Variants in SAXO1 observed in about 807,000 individuals in gnomAD.
SAXO1 encodes the protein 4930500O09Rik.
A neutral mutation model predicts 17.5 loss-of-function variants in SAXO1; 21 were observed. That is an observed-to-expected ratio of 1.20 (90% CI 0.85 to 1.72). SAXO1 has a LOEUF of 1.72. SAXO1 is among the 40% of genes most tolerant of loss of function. The pLI, the probability that SAXO1 is intolerant of heterozygous loss-of-function variation, is 0.00. For synonymous variants in SAXO1, 274 were observed against 216.5 expected, an observed-to-expected ratio of 1.27 and a Z score of -2.33; for missense variants, 843 against 596.0, an observed-to-expected ratio of 1.41 and a Z score of -4.32.
At chr9:18,986,160 A>T (rs576546101) in intron 1 of SAXO1, among the ~76,000 whole-genome samples, 45 of 152,334 alleles carry the variant, frequency 3.0e-4, no homozygotes, top group Middle Eastern at 6.8e-3. Flanking sequence ...CACAGATTTT[A>T]AAAAAAGCAA....
intron 3 of SAXO1, among the ~76,000 whole-genome samples, chr9:18,932,249 A>C (rs1831085934): frequency 6.6e-6 from 1 of 152,146 alleles, no homozygotes; most frequent in African/African-American, 2.4e-5. Context: ...TTGCATGTGG[A>C]TATCCAACTG....
intron 1 of SAXO1, among the ~76,000 whole-genome samples, chr9:19,013,709 G>A (rs1437080170): frequency 6.6e-6 from 1 of 151,842 alleles, no homozygotes; most frequent in East Asian, 1.9e-4. Flanking sequence ...ACCATGCCTG[G>A]CTAATTTTTG....
intron 1 of SAXO1, among the ~76,000 whole-genome samples, chr9:19,022,936 T>G (rs1024029249): frequency 6.6e-6 from 1 of 152,182 alleles, no homozygotes; most frequent in South Asian, 2.1e-4. Context: ...TTTTGAAGAC[T>G]TGCAAAGTTC....
chr9:18,990,586 C>T (rs10963894), intron 1 of SAXO1, among the ~76,000 whole-genome samples: 78,687 of 151,974 alleles, frequency 0.52, 21,945 homozygotes, highest in Non-Finnish European at 0.63. Context: ...AGGTCCCCAA[C>T]CCCTGGGCCA....
chr9:19,022,721 C>T (rs1240924472), intron 1 of SAXO1, among the ~76,000 whole-genome samples: 1 of 152,116 alleles, frequency 6.6e-6, no homozygotes, highest in Non-Finnish European at 1.5e-5. Context: ...GAATGAAGGG[C>T]TTTTGGATAG....
chr9:19,044,580 T>A (rs533029254), intron 1 of SAXO1, among the ~76,000 whole-genome samples: 2 of 152,302 alleles, frequency 1.3e-5, no homozygotes, highest in South Asian at 2.1e-4. Context: ...GAAAGCTGAA[T>A]CCGGCGGGCG....
chr9:18,932,778 A>G (rs12352976), intron 3 of SAXO1, among the ~76,000 whole-genome samples: 1,527 of 152,324 alleles, frequency 0.01, 30 homozygotes, highest in African/African-American at 0.034. Context: ...CCAAGATTTT[A>G]TTAATTTTGA....
intron 1 of SAXO1, among the ~76,000 whole-genome samples, chr9:19,032,171 C>A (rs1835801055): frequency 6.6e-6 from 1 of 152,072 alleles, no homozygotes; most frequent in Non-Finnish European, 1.5e-5. Context: ...CTGCCCACTC[C>A]CTGCCCCAGC....
intron 1 of SAXO1, among the ~76,000 whole-genome samples, chr9:18,966,856 T>C (rs1329556797): frequency 6.6e-6 from 1 of 152,260 alleles, no homozygotes; most frequent in Non-Finnish European, 1.5e-5. Context: ...CTTTTTGCAC[T>C]GTTTCCTCCT....
intron 1 of SAXO1, among the ~76,000 whole-genome samples, chr9:19,006,528 T>C (rs1834486530): frequency 6.6e-6 from 1 of 152,162 alleles, no homozygotes; most frequent in South Asian, 2.1e-4. Context: ...ACAGAACAAA[T>C]ATTGTATGTC....
chr9:18,962,233 A>G (rs1201433116), intron 1 of SAXO1, among the ~76,000 whole-genome samples: 1 of 151,872 alleles, frequency 6.6e-6, no homozygotes, highest in African/African-American at 2.4e-5. Context: ...ACACCCGGCT[A>G]ATTTTTGTAT....
Position 19,049,159 on chromosome 9 carries a change from T to C in SAXO1, c.-158+50A>G, listed in dbSNP as rs2131082773. ...TGCGGTGGTGGTGGCGGTTGGGGCT[T>C]TTTTTGGCCACGAGAGGGCAGCATT... is the stretch of plus-strand genomic sequence containing the variant. On this transcript the variant is annotated intron_variant, in intron 1 of 3. Coordinates refer to the SAXO1 transcript ENST00000542071. This position sits in a 1 kb window ranked among gnomAD's most constrained non-coding sequence, Gnocchi z 5.4. 6.6e-6 allele frequency: 1 copy of C among 152,588 alleles called. No individual in the cohort carries two copies. The highest frequency in any genetic ancestry group is 6.5e-5 in the Admixed American group (1 of 15,316). The allele number at this position is 152,588 out of a possible 1,614,324, so 9.5% of individuals were successfully genotyped here. A position where few individuals can be genotyped will look rare whatever the true frequency, so the allele number is the denominator to read the frequency against.
rs549394742 is a variant in SAXO1, at chr9:19,031,321, G to C, written c.38+1550C>G. Among the ~76,000 whole-genome samples, 221 of 152,302 alleles carry C rather than the reference G, an allele frequency of 1.5e-3. 2 individuals are homozygous for C. The highest frequency in any genetic ancestry group is 5.2e-3 in the African/African-American group (218 of 41,538). ...TCATGCCTGTAATCCCAGCACTTTGGGAGGCCGAGGCAGGCGATCACCTGA... is the reference window on the plus strand; with the variant it reads ...TCATGCCTGTAATCCCAGCACTTTGCGAGGCCGAGGCAGGCGATCACCTGA... On this transcript the variant is annotated intron_variant, in intron 1 of 3. Coordinates refer to ENST00000380534, the MANE Select transcript of SAXO1 (RefSeq NM_153707.4).
chr9:19,043,660 G>A (rs374001462), intron 1 of SAXO1, among the ~76,000 whole-genome samples: 1 of 151,940 alleles, frequency 6.6e-6, no homozygotes, highest in Non-Finnish European at 1.5e-5. Flanking sequence ...CCAGCTACTC[G>A]GGGGCACTGA....
At position 18,931,030 on chromosome 9, in the gene SAXO1, G is replaced by T. The variant is rs553092579; in HGVS notation, c.422-1975C>A. Among the ~76,000 whole-genome samples the T allele has an allele frequency of 5.3e-5, 8 of 152,304 alleles. No homozygotes were observed. In the South Asian group the frequency reaches 1.7e-3, roughly 32 times the overall value. ...AGGCACAATTTGTAACAGTTTTATT[G>T]AAATCTAATTTGCATAATAAAAGGT... On this transcript the variant is annotated intron_variant, in intron 3 of 3. Coordinates refer to ENST00000380534, the MANE Select transcript of SAXO1 (RefSeq NM_153707.4).
intron 1 of SAXO1, among the ~76,000 whole-genome samples, chr9:18,973,531 C>T (rs1424312163): frequency 6.6e-6 from 1 of 152,236 alleles, no homozygotes; most frequent in Non-Finnish European, 1.5e-5. Flanking sequence ...AAAACCCAGA[C>T]GTGTCTTGCC....
At chr9:18,955,209 T>C (rs999768001) in intron 1 of SAXO1, among the ~76,000 whole-genome samples, 4 of 152,170 alleles carry the variant, frequency 2.6e-5, no homozygotes, top group African/African-American at 9.7e-5. Flanking sequence ...TAAAAAAAAC[T>C]AAAAAGTTTT....
intron 1 of SAXO1, among the ~76,000 whole-genome samples, chr9:18,965,683 G>T (rs1832689214): frequency 6.6e-6 from 1 of 152,000 alleles, no homozygotes; most frequent in Non-Finnish European, 1.5e-5. Context: ...ACACTGATGG[G>T]TCTTGACTCT....
chr9:18,953,672 T>A (rs894766994), intron 1 of SAXO1, among the ~76,000 whole-genome samples: 3 of 152,164 alleles, frequency 2.0e-5, no homozygotes, highest in African/African-American at 7.2e-5. Flanking sequence ...GACCATGTCT[T>A]CTCATTGGTG....
Sources: allele counts gnomAD v4.1 joint callset (sites outside exome capture counted in the v4.1 genomes callset), GRCh38; gene constraint gnomAD v4.1.1; non-coding constraint Gnocchi (gnomAD v3.1); transcripts MANE v1.5; gene names NCBI Gene and HGNC (gene_info 2026-07-23, HGNC 2026-07-21).